ZBTB7C: variants seen among roughly 807,000 people sequenced by gnomAD.
ZBTB7C encodes zinc finger and BTB domain-containing protein 7C.
ZBTB7C carries 8 observed loss-of-function variants against 25.7 expected under a neutral mutation model. The ratio of observed to expected loss-of-function variants is 0.31; its 90% confidence interval spans 0.18 to 0.56. The LOEUF (loss-of-function observed/expected upper bound fraction) is 0.56, where lower values mean the gene tolerates loss of function less well. Among genes scored for constraint, ZBTB7C ranks in the 20% least tolerant of loss-of-function variants. The pLI, the probability that ZBTB7C is intolerant of heterozygous loss-of-function variation, is 0.91. For synonymous variants in ZBTB7C, 394 were observed against 369.0 expected (o/e 1.07, Z -0.78); for missense variants, 824 against 855.2 (o/e 0.96, Z 0.46).
At chr18:48,146,142 CTT>C (rs1486476647) in intron 3 of ZBTB7C, among the ~76,000 whole-genome samples, 1 of 152,086 alleles carries the variant, frequency 6.6e-6, no homozygotes. Flanking sequence ...TGATGGCTAG[CTT>C]TGTCTAGTGT....
At chr18:48,043,882 A>T (rs1170704906) in intron 3 of ZBTB7C, among the ~76,000 whole-genome samples, 2 of 152,190 alleles carry the variant, frequency 1.3e-5, no homozygotes, top group Non-Finnish European at 2.9e-5. Context: ...TCCATCTCTC[A>T]TCCAGCTATC....
chr18:48,368,231 A>G (rs2047296639), intron 1 of ZBTB7C, among the ~76,000 whole-genome samples: 1 of 147,128 alleles, frequency 6.8e-6, no homozygotes, highest in Non-Finnish European at 1.5e-5. Context: ...ATGAAAAGGA[A>G]GAAAGCCTAG....
At chr18:48,169,042 A>T (rs1386605008) in intron 3 of ZBTB7C, among the ~76,000 whole-genome samples, 1 of 152,220 alleles carries the variant, frequency 6.6e-6, no homozygotes, top group Non-Finnish European at 1.5e-5. Flanking sequence ...CCTGTCCCCA[A>T]GGGGGTCTGT....
intron 2 of ZBTB7C, among the ~76,000 whole-genome samples, chr18:48,265,481 G>A (rs529530852): frequency 1.3e-5 from 2 of 152,266 alleles, no homozygotes; most frequent in African/African-American, 4.8e-5. Flanking sequence ...CTCTGAGCCA[G>A]TTTGCTCATC....
intron 1 of ZBTB7C, among the ~76,000 whole-genome samples, chr18:48,360,732 G>A (rs1315543765): frequency 2.0e-5 from 3 of 152,158 alleles, no homozygotes; most frequent in African/African-American, 7.2e-5. Flanking sequence ...AGGGGTGAGT[G>A]TGAGGGGAAG....
chr18:48,367,175 T>TACATATATATATATATA (rs2047242433), intron 1 of ZBTB7C, among the ~76,000 whole-genome samples: 1 of 62,278 alleles, frequency 1.6e-5, no homozygotes, highest in African/African-American at 7.5e-5. Context: ...TCCCCAAGTT[T>TACATATATATATATATA]TATATATATA....
intron 1 of ZBTB7C, among the ~76,000 whole-genome samples, chr18:48,398,615 A>G (rs992471366): frequency 6.6e-6 from 1 of 152,084 alleles, no homozygotes; most frequent in African/African-American, 2.4e-5. Flanking sequence ...TTTCCCCAGC[A>G]TGAAGCTGCA....
chr18:48,356,894 T>TC (rs1481298036), intron 1 of ZBTB7C, among the ~76,000 whole-genome samples: 7 of 151,912 alleles, frequency 4.6e-5, no homozygotes, highest in Non-Finnish European at 8.8e-5. Context: ...ACCACCTGGG[T>TC]CCCCCTCACA....
intron 2 of ZBTB7C, among the ~76,000 whole-genome samples, chr18:48,327,636 G>A (rs1341636017): frequency 6.6e-6 from 1 of 152,214 alleles, no homozygotes; most frequent in African/African-American, 2.4e-5. Context: ...CTAAGCCACA[G>A]TACTTGGAGA....
intron 2 of ZBTB7C, among the ~76,000 whole-genome samples, chr18:48,214,847 G>A (rs1409216967): frequency 6.6e-6 from 1 of 152,180 alleles, no homozygotes; most frequent in African/African-American, 2.4e-5. Context: ...AGTGAACACT[G>A]GTTTGCCTCC....
chr18:48,275,128 T>C (rs1016784620), intron 2 of ZBTB7C, among the ~76,000 whole-genome samples: 2 of 152,240 alleles, frequency 1.3e-5, no homozygotes, highest in African/African-American at 4.8e-5. Flanking sequence ...GTCTGATCAC[T>C]AGCAATGGAA....
chr18:48,176,702 G>C (rs1020262946), intron 3 of ZBTB7C, among the ~76,000 whole-genome samples: 6 of 151,988 alleles, frequency 3.9e-5, no homozygotes, highest in African/African-American at 1.5e-4. Flanking sequence ...GTAAAACTGA[G>C]ATATAAGAAT....
intron 2 of ZBTB7C, among the ~76,000 whole-genome samples, chr18:48,260,425 G>T (rs1311008699): frequency 2.0e-5 from 3 of 152,176 alleles, no homozygotes; most frequent in African/African-American, 4.8e-5. Flanking sequence ...TTTTGATGTG[G>T]TGATGATGTC....
chr18:48,212,785 A>T (rs935938525), intron 2 of ZBTB7C, among the ~76,000 whole-genome samples: 2 of 152,178 alleles, frequency 1.3e-5, no homozygotes, highest in African/African-American at 4.8e-5. Flanking sequence ...TGTCCATGCC[A>T]GACAAGGGGG....
At chr18:48,246,343 T>C (rs879359320) in intron 2 of ZBTB7C, among the ~76,000 whole-genome samples, 1 of 151,716 alleles carries the variant, frequency 6.6e-6, no homozygotes, top group Non-Finnish European at 1.5e-5. Flanking sequence ...GGCAGGAGAA[T>C]GGCGTGGACC....
At chr18:48,403,518 A>G (rs2048208146) in intron 1 of ZBTB7C, among the ~76,000 whole-genome samples, 1 of 152,222 alleles carries the variant, frequency 6.6e-6, no homozygotes. Context: ...GCTTATTCAC[A>G]GCAGAACAGT....
At chr18:48,079,424 C>T (rs553738706) in intron 3 of ZBTB7C, among the ~76,000 whole-genome samples, 18 of 152,344 alleles carry the variant, frequency 1.2e-4, no homozygotes, top group African/African-American at 4.3e-4. Flanking sequence ...CCCACTATCC[C>T]ATCTCAGAGA....
At chr18:48,258,644 C>G (rs1228404853) in intron 2 of ZBTB7C, among the ~76,000 whole-genome samples, 1 of 152,098 alleles carries the variant, frequency 6.6e-6, no homozygotes, top group African/African-American at 2.4e-5. Flanking sequence ...AATGCAATCC[C>G]AATCAAAATC....
chr18:48,124,372 T>C (rs1352867985), intron 3 of ZBTB7C, among the ~76,000 whole-genome samples: 1 of 152,260 alleles, frequency 6.6e-6, no homozygotes, highest in Non-Finnish European at 1.5e-5. Flanking sequence ...TGCACCACAG[T>C]CCTTAGAGCC....
Sources: gnomAD v4.1 joint callset for allele counts (sites outside exome capture counted in the v4.1 genomes callset) on GRCh38, gnomAD v4.1.1 for gene constraint, MANE v1.5 for transcripts, NCBI Gene and HGNC (gene_info 2026-07-23, HGNC 2026-07-21) for gene names.